Variants in RBL2 observed in about 807,000 individuals in gnomAD.
RBL2 encodes RB transcriptional corepressor like 2.
In RBL2, 56 loss-of-function variants were observed where a neutral mutation model predicts 126.0. The observed-to-expected ratio is 0.44, with a 90% CI of 0.36 to 0.56. The LOEUF is 0.56. RBL2 is among the 20% of genes least tolerant of loss of function. RBL2 has a pLI of 0.00. For missense variants in RBL2, 1,229 were observed against 1,398.2 expected (o/e 0.88, Z 1.93); for synonymous variants, 454 against 478.5 (o/e 0.95, Z 0.67).
chr16:53,478,826 T>C (rs1046736599), intron 17 of RBL2: 9 of 211,802 alleles, frequency 4.2e-5, no homozygotes, highest in Middle Eastern at 1.9e-3. Context: ...TTCACCATGA[T>C]GGCCAGGCTG....
chr16:53,482,261 CAT>C (rs1325201733), intron 21 of RBL2, among the ~76,000 whole-genome samples: 5 of 152,148 alleles, frequency 3.3e-5, no homozygotes, highest in Non-Finnish European at 7.3e-5. Flanking sequence ...GTGCAATAGT[CAT>C]ATTAGCACAG....
rs1275551593 is a variant in RBL2, at chr16:53,442,838, G to A, written c.552G>A (p.Gln184=). 1 of 1,612,384 alleles carries A rather than the reference G, an allele frequency of 6.2e-7. No individual in the cohort carries two copies. Among genetic ancestry groups the A allele is most frequent in the Admixed American group, 1.7e-5 (1 of 59,896 alleles). ...FKYPQEEQPR[Q]QRGRKQRRQP... ...ACCCTCAAGAGGAGCAACCTCGTCAGCAGCGAGGAAGGAAACAGCGGTAGG... is the reference window on the plus strand; with the variant it reads ...ACCCTCAAGAGGAGCAACCTCGTCAACAGCGAGGAAGGAAACAGCGGTAGG... The change falls in exon 3 of 22, where the codon CAG becomes CAA. Residue 184 remains glutamine, a synonymous_variant. Coordinates refer to ENST00000262133, the MANE Select transcript of RBL2 (RefSeq NM_005611.4).
intron 21 of RBL2, chr16:53,488,927 G>A (rs1176887754): frequency 6.6e-6 from 1 of 152,130 alleles, no homozygotes; most frequent in Non-Finnish European, 1.5e-5. Flanking sequence ...AGATGCTTAA[G>A]ATTTTGTGGC....
chr16:53,454,895 G>T (rs796588761), intron 8 of RBL2, 53 bp downstream of exon 8: 46 of 1,418,024 alleles, frequency 3.2e-5, no homozygotes, highest in South Asian at 4.7e-5. Context: ...TAAGCCAGGG[G>T]TTCTTTTTTA....
intron 9 of RBL2, among the ~76,000 whole-genome samples, 157 bp from the exon 10 acceptor site, chr16:53,461,583 GA>G (rs1224763972): frequency 6.6e-6 from 1 of 151,122 alleles, no homozygotes; most frequent in African/African-American, 2.4e-5. Context: ...CACCACCTTT[GA>G]AAAGGAAGTA....
chr16:53,442,891 C>CG, intron 3 of RBL2, 33 bp downstream of exon 3: 1 of 1,529,520 alleles, frequency 6.5e-7, no homozygotes, highest in South Asian at 1.2e-5. Context: ...CAGGAATACA[C>CG]GTTAGTCTGT....
At chr16:53,485,442 A>G (rs1236989028) in intron 21 of RBL2, among the ~76,000 whole-genome samples, 1 of 152,230 alleles carries the variant, frequency 6.6e-6, no homozygotes, top group Non-Finnish European at 1.5e-5. Context: ...CTATGTTCCA[A>G]AAGAAAAAAG....
At chr16:53,464,135 T>C in intron 11 of RBL2, 91 bp from the exon 12 acceptor site, 1 of 1,104,148 alleles carries the variant, frequency 9.1e-7, no homozygotes, top group East Asian at 2.8e-5. Context: ...AAAATGAGAC[T>C]TTCTTTGGTA....
intron 21 of RBL2, among the ~76,000 whole-genome samples, chr16:53,483,131 A>C (rs1197198742): frequency 1.3e-5 from 2 of 152,198 alleles, no homozygotes; most frequent in African/African-American, 4.8e-5. Flanking sequence ...TCTGCAGCTT[A>C]CTTTCAAACG....
chr16:53,455,089 A>G (rs1314184583), intron 8 of RBL2, among the ~76,000 whole-genome samples: 1 of 152,228 alleles, frequency 6.6e-6, no homozygotes, highest in African/African-American at 2.4e-5. Context: ...TGTCATGCTG[A>G]TAATTGTTGG....
At chr16:53,435,518 G>A in intron 1 of RBL2, 1 of 1,153,990 alleles carries the variant, frequency 8.7e-7, no homozygotes, top group Non-Finnish European at 1.1e-6. Context: ...CTTCGGACAG[G>A]GCTTGCAGAT....
rs1598085253 is a variant in RBL2, at chr16:53,439,035, T to C, written c.260T>C (p.Leu87Ser). 2 of 1,592,158 alleles carry C rather than the reference T, an allele frequency of 1.3e-6. No individual in the cohort carries two copies. The highest frequency in any genetic ancestry group is 1.2e-5 in the South Asian group (1 of 86,610). Residue 87 changes from leucine to serine, a missense_variant, in exon 2 of 22, where the codon TTA becomes TCA. Physicochemically the swap from Leu to Ser is moderately radical, Grantham distance 145. Coordinates refer to ENST00000262133, the MANE Select transcript of RBL2 (RefSeq NM_005611.4). Reference protein sequence around the residue: ...YTLEGNDLHWLACALYVACRK... With the variant: ...YTLEGNDLHWSACALYVACRK... ...TTACAGGGAAATGATCTTCATTGGT[T>C]AGCATGTGCCTTATATGTGGCTTGC...
chr16:53,465,709 T>C, intron 13 of RBL2, 107 bp downstream of exon 13: 1 of 881,742 alleles, frequency 1.1e-6, no homozygotes. Context: ...ATGTTATAAT[T>C]ACACCTTGTT....
intron 21 of RBL2, among the ~76,000 whole-genome samples, chr16:53,482,727 T>C (rs1320000876): frequency 2.0e-5 from 3 of 151,654 alleles, no homozygotes; most frequent in Non-Finnish European, 2.9e-5. Context: ...GGAAAATAGC[T>C]TGAACCCAGG....
intron 17 of RBL2, among the ~76,000 whole-genome samples, chr16:53,472,421 CTTA>C (rs1217864400): frequency 1.3e-5 from 2 of 152,274 alleles, no homozygotes; most frequent in South Asian, 2.1e-4. Context: ...TCCTTGCCAA[CTTA>C]TTATTTTTAT....
At chr16:53,458,951 A>G (rs756389511) in intron 8 of RBL2, among the ~76,000 whole-genome samples, 2 of 152,220 alleles carry the variant, frequency 1.3e-5, no homozygotes, top group Non-Finnish European at 2.9e-5. Flanking sequence ...TAGCCAAACC[A>G]TATCAGTAGG....
intron 21 of RBL2, among the ~76,000 whole-genome samples, chr16:53,484,802 ACTT>A (rs1435888163): frequency 6.6e-6 from 1 of 152,218 alleles, no homozygotes; most frequent in Non-Finnish European, 1.5e-5. Flanking sequence ...GGAGCTGTAC[ACTT>A]CAAATGGTTG....
chr16:53,464,311 A>G lies in RBL2; in HGVS notation c.1646A>G (p.Asn549Ser). 1 of 1,589,444 alleles carries G rather than the reference A, an allele frequency of 6.3e-7. No individual in the cohort carries two copies. The highest frequency in any genetic ancestry group is 8.6e-7 in the Non-Finnish European group (1 of 1,158,318). ...VVTFSYKPPG[N>S]FPFITEIFDV... ...ACTTTTTCTTATAAGCCTCCTGGGAATTTTCCATTTATTACTGAAATATTT... is the reference window on the plus strand; with the variant it reads ...ACTTTTTCTTATAAGCCTCCTGGGAGTTTTCCATTTATTACTGAAATATTT... Residue 549 changes from asparagine to serine, a missense_variant, in exon 12 of 22, where the codon AAT (asparagine) becomes AGT (serine). Physicochemically the swap from Asn to Ser is conservative, Grantham distance 46. Transcript: ENST00000262133.
At chr16:53,447,144 C>A in intron 4 of RBL2, 38 bp downstream of exon 4, 1 of 1,104,506 alleles carries the variant, frequency 9.1e-7, no homozygotes, top group Non-Finnish European at 1.3e-6. Context: ...TTTAATATGT[C>A]TATTTACATT....
Sources: gnomAD v4.1 joint callset for allele counts (sites outside exome capture counted in the v4.1 genomes callset) on GRCh38, gnomAD v4.1.1 for gene constraint, MANE v1.5 for transcripts, NCBI Gene and HGNC (gene_info 2026-07-23, HGNC 2026-07-21) for gene names.